A1CF: variants seen among roughly 807,000 people sequenced by gnomAD.
The protein encoded by A1CF is APOBEC1 complementation factor.
A1CF carries 48 observed loss-of-function variants against 68.9 expected under a neutral mutation model. The observed-to-expected ratio is 0.70, with a 90% confidence interval of 0.55 to 0.89. The LOEUF is 0.89. Ranked by LOEUF, A1CF falls within the 40% of genes least tolerant of loss-of-function variation. A1CF has a pLI of 0.00. For synonymous variants in A1CF, 272 were observed against 260.4 expected (o/e 1.04, Z -0.43); for missense variants, 653 against 718.9 (o/e 0.91, Z 1.05).
intron 2 of A1CF, among the ~76,000 whole-genome samples, chr10:50,863,659 A>G (rs1248748360): frequency 6.6e-6 from 1 of 152,160 alleles, no homozygotes; most frequent in East Asian, 1.9e-4. Context: ...AATAAGATCA[A>G]TAAGTAGAAT....
At chr10:50,840,971 C>G (rs1839747050) in intron 5 of A1CF, among the ~76,000 whole-genome samples, 2 of 152,130 alleles carry the variant, frequency 1.3e-5, no homozygotes, top group Non-Finnish European at 2.9e-5. Flanking sequence ...CAGATCTCAC[C>G]CTTTCTTATC....
rs189405183 is a variant in A1CF at position 50,803,713 on chromosome 10, A to G, written c.*3016T>C. On this transcript the variant is annotated 3_prime_UTR_variant, in exon 13 of 13. Transcript: ENST00000373997. ...TTTAATTATCAATAAGCTATTAATTACCAAAATTTAGAGAACTAATTCAAA... is the reference window on the plus strand; with the variant it reads ...TTTAATTATCAATAAGCTATTAATTGCCAAAATTTAGAGAACTAATTCAAA... 1 of 152,338 alleles carries G rather than the reference A, an allele frequency of 6.6e-6. No homozygotes were observed. The highest frequency in any genetic ancestry group is 1.9e-4 in the East Asian group (1 of 5,188). The allele number at this position is 152,338 out of a possible 1,614,324, so 9.4% of individuals were successfully genotyped here.
At chr10:50,849,124 C>G (rs951211930) in intron 3 of A1CF, among the ~76,000 whole-genome samples, 4 of 151,922 alleles carry the variant, frequency 2.6e-5, no homozygotes, top group Non-Finnish European at 5.9e-5. Flanking sequence ...ATAAAAGGTA[C>G]CAACAGGATC....
chr10:50,874,614 C>T (rs1245694509), intron 1 of A1CF, among the ~76,000 whole-genome samples: 1 of 152,182 alleles, frequency 6.6e-6, no homozygotes, highest in Non-Finnish European at 1.5e-5. Flanking sequence ...TAAATCTCTC[C>T]TTCCTCTTTT....
intron 1 of A1CF, among the ~76,000 whole-genome samples, chr10:50,876,305 G>T (rs1426208631): frequency 6.6e-6 from 1 of 152,196 alleles, no homozygotes; most frequent in African/African-American, 2.4e-5. Flanking sequence ...TTTTGTAATT[G>T]CTCTGACTTC....
At chr10:50,833,628 T>C (rs1379505605) in intron 6 of A1CF, among the ~76,000 whole-genome samples, 1 of 152,232 alleles carries the variant, frequency 6.6e-6, no homozygotes, top group Non-Finnish European at 1.5e-5. Context: ...ACTTATCATT[T>C]TTCTCAACAG....
intron 7 of A1CF, 68 bp from the exon 8 acceptor site, chr10:50,820,717 C>A: frequency 7.8e-7 from 1 of 1,287,352 alleles, no homozygotes; most frequent in South Asian, 1.4e-5. Flanking sequence ...TATATTTTAG[C>A]ATCTAGCTGC....
intron 3 of A1CF, among the ~76,000 whole-genome samples, chr10:50,845,938 A>G (rs1018147804): frequency 1.3e-5 from 2 of 149,336 alleles, no homozygotes; most frequent in African/African-American, 4.9e-5. Flanking sequence ...TGGGTGATAG[A>G]GCAAGACTCT....
chr10:50,848,967 T>G (rs936122336), intron 3 of A1CF, among the ~76,000 whole-genome samples: 2 of 152,204 alleles, frequency 1.3e-5, no homozygotes, highest in African/African-American at 4.8e-5. Context: ...GTGTCACTTG[T>G]GTTTCATGAG....
Position 50,836,304 on chromosome 10 carries a change from CGCCCATTTCT to C in A1CF, c.366-2_373del. On this transcript the variant is annotated splice_acceptor_variant and coding_sequence_variant, in exon 6 of 13. Coordinates refer to ENST00000373997, the MANE Select transcript of A1CF (RefSeq NM_014576.4). LOFTEE classifies it high-confidence loss of function. ...CACACTGGCACAAACCCCTAAGAGG[CGCCCATTTCT>C]GCAAAAAGAGCAGGGATTTTGATTG... The C allele has an allele frequency of 6.2e-7, 1 of 1,609,102 alleles. No homozygotes were observed. The highest frequency in any genetic ancestry group is 8.5e-7 in the Non-Finnish European group (1 of 1,178,524).
chr10:50,829,434 G>C (rs1403469531), intron 6 of A1CF, among the ~76,000 whole-genome samples: 2 of 152,232 alleles, frequency 1.3e-5, no homozygotes, highest in African/African-American at 4.8e-5. Flanking sequence ...CTCAGTATTG[G>C]TAAGGGTTTA....
intron 6 of A1CF, among the ~76,000 whole-genome samples, chr10:50,832,819 T>A (rs1271249811): frequency 2.0e-5 from 3 of 152,198 alleles, no homozygotes; most frequent in African/African-American, 7.2e-5. Flanking sequence ...TGTGTATGTA[T>A]AGTTTTCTCA....
At chr10:50,813,771 A>G in intron 10 of A1CF, 86 bp downstream of exon 10, 1 of 1,401,916 alleles carries the variant, frequency 7.1e-7, no homozygotes, top group South Asian at 1.2e-5. Flanking sequence ...TAGCTTGAGT[A>G]GGGATCAAGT....
At chr10:50,855,442 ATAT>A (rs1437865829) in intron 3 of A1CF, among the ~76,000 whole-genome samples, 7 of 152,074 alleles carry the variant, frequency 4.6e-5, no homozygotes, top group African/African-American at 1.2e-4. Flanking sequence ...TAACTTAGTA[ATAT>A]TATACAATTT....
chr10:50,819,883 T>A (rs1838563580), intron 8 of A1CF, among the ~76,000 whole-genome samples: 1 of 152,230 alleles, frequency 6.6e-6, no homozygotes, highest in Non-Finnish European at 1.5e-5. Context: ...TCTCTCTTTA[T>A]GATATTTACT....
intron 1 of A1CF, among the ~76,000 whole-genome samples, chr10:50,876,330 A>C (rs1841511028): frequency 6.6e-6 from 1 of 152,226 alleles, no homozygotes; most frequent in African/African-American, 2.4e-5. Flanking sequence ...CTGTCTTATA[A>C]ATTGTCCAGC....
chr10:50,884,096 A>G (rs1339122156), intron 1 of A1CF, among the ~76,000 whole-genome samples: 3 of 152,216 alleles, frequency 2.0e-5, no homozygotes, highest in Non-Finnish European at 2.9e-5. Flanking sequence ...TGTTTCCTCA[A>G]CTTACTTGAC....
intron 7 of A1CF, among the ~76,000 whole-genome samples, chr10:50,827,406 A>G (rs1029241777): frequency 3.6e-4 from 55 of 152,188 alleles, no homozygotes; most frequent in Non-Finnish European, 6.3e-4. Context: ...CAGCAAATGT[A>G]AAAGAACAGA....
chr10:50,868,820 G>A (rs996729119), intron 1 of A1CF, among the ~76,000 whole-genome samples: 3 of 152,114 alleles, frequency 2.0e-5, no homozygotes, highest in Non-Finnish European at 2.9e-5. Context: ...AACTTACACA[G>A]GGACAGAACT....
Sources: allele counts gnomAD v4.1 joint callset (sites outside exome capture counted in the v4.1 genomes callset), GRCh38; gene constraint gnomAD v4.1.1; transcripts MANE v1.5; gene names NCBI Gene and HGNC (gene_info 2026-07-23, HGNC 2026-07-21).